Variants in PRKG1 observed in about 807,000 individuals in gnomAD.
The protein encoded by PRKG1 is cGMP-dependent protein kinase 1.
PRKG1 carries 35 observed loss-of-function variants against 88.1 expected under a neutral mutation model. The observed-to-expected ratio is 0.40, with a 90% confidence interval of 0.30 to 0.53. The LOEUF is 0.53. Among genes scored for constraint, PRKG1 ranks in the 20% least tolerant of loss-of-function variants. The pLI is 0.59. For synonymous variants in PRKG1, 303 were observed against 292.5 expected, an observed-to-expected ratio of 1.04 and a Z score of -0.37; for missense variants, 540 against 839.8, an observed-to-expected ratio of 0.64 and a Z score of 4.41.
chr10:51,435,795 T>C (rs1838911060), intron 2 of PRKG1, among the ~76,000 whole-genome samples: 1 of 152,010 alleles, frequency 6.6e-6, no homozygotes, highest in Non-Finnish European at 1.5e-5. Context: ...GTGTGATATG[T>C]GCTATGGTAG....
intron 2 of PRKG1, among the ~76,000 whole-genome samples, chr10:51,194,124 T>C (rs1837700441): frequency 6.6e-6 from 1 of 152,176 alleles, no homozygotes; most frequent in Admixed American, 6.6e-5. Flanking sequence ...ACCCCTTTGG[T>C]AATATGTGAG....
At chr10:51,950,740 A>G (rs1022910699) in intron 5 of PRKG1, among the ~76,000 whole-genome samples, 2 of 152,252 alleles carry the variant, frequency 1.3e-5, no homozygotes, top group Non-Finnish European at 2.9e-5. Context: ...GCCCCATGGC[A>G]TGGAGCAGCT....
chr10:51,251,544 A>G (rs1035374915), intron 2 of PRKG1, among the ~76,000 whole-genome samples: 5 of 151,824 alleles, frequency 3.3e-5, no homozygotes, highest in Admixed American at 6.6e-5. Flanking sequence ...TCATATTAGA[A>G]GTGATCAAAT....
chr10:51,914,109 T>C (rs1842285409), intron 5 of PRKG1, among the ~76,000 whole-genome samples: 2 of 152,110 alleles, frequency 1.3e-5, no homozygotes, highest in African/African-American at 2.4e-5. Flanking sequence ...TCTCTATACA[T>C]GAATTACATT....
chr10:51,873,668 C>T (rs1469246567), intron 4 of PRKG1, among the ~76,000 whole-genome samples: 1 of 151,702 alleles, frequency 6.6e-6, no homozygotes, highest in Non-Finnish European at 1.5e-5. Context: ...GTTGGGATTA[C>T]AGGTACGTGC....
intron 3 of PRKG1, among the ~76,000 whole-genome samples, chr10:51,784,718 A>G (rs892138572): frequency 1.3e-5 from 2 of 152,146 alleles, no homozygotes; most frequent in African/African-American, 2.4e-5. Context: ...TGATTACAGT[A>G]TTGAACTTCC....
intron 1 of PRKG1, among the ~76,000 whole-genome samples, chr10:51,075,898 A>G (rs1843939183): frequency 6.6e-6 from 1 of 152,232 alleles, no homozygotes; most frequent in Non-Finnish European, 1.5e-5. Context: ...AGAGCACCCA[A>G]AAGAACGGCA....
intron 3 of PRKG1, among the ~76,000 whole-genome samples, chr10:51,774,137 T>G (rs925805251): frequency 6.6e-6 from 1 of 152,054 alleles, no homozygotes; most frequent in Non-Finnish European, 1.5e-5. Flanking sequence ...GTAAGAAAAT[T>G]AAGCACCCAT....
rs889917889 is a variant in PRKG1 at position 52,163,773 on chromosome 10, A to C, written c.1076+1810A>C. ...TTCACTTGCACATACTTCAATTAAA[A>C]GTAGTAAGTAAGAAAAACTGAAACA... On this transcript the variant is annotated intron_variant, in intron 9 of 17. Coordinates refer to ENST00000373980, the MANE Select transcript of PRKG1 (RefSeq NM_006258.4). Among the ~76,000 whole-genome samples, 6 of 152,344 alleles carry C rather than the reference A, an allele frequency of 3.9e-5. No homozygotes were observed. In the East Asian group the frequency reaches 1.2e-3, roughly 29 times the overall value.
intron 3 of PRKG1, among the ~76,000 whole-genome samples, chr10:51,493,479 C>G (rs1194753230): frequency 6.6e-6 from 1 of 151,958 alleles, no homozygotes; most frequent in African/African-American, 2.4e-5. Flanking sequence ...ATTTCTATTG[C>G]CAGAAAATAT....
At chr10:52,107,304 G>T (rs74135152) in intron 7 of PRKG1, among the ~76,000 whole-genome samples, 1,649 of 152,236 alleles carry the variant, frequency 0.011, 32 homozygotes, top group African/African-American at 0.037. Context: ...TTTAGACAAA[G>T]ACCTAAAACA....
rs1000222525 is a variant in PRKG1, at chr10:52,294,058, C to G, written c.*158C>G. On this transcript the variant is annotated 3_prime_UTR_variant, in exon 18 of 18. Coordinates refer to ENST00000373980, the MANE Select transcript of PRKG1 (RefSeq NM_006258.4). ...TAACTACAGTGGCATTAGGACTTACCGCTTAGATGACAATAGTGCTCTTTA... is the reference window on the plus strand; with the variant it reads ...TAACTACAGTGGCATTAGGACTTACGGCTTAGATGACAATAGTGCTCTTTA... 1.8e-6 allele frequency: 1 copy of G among 559,706 alleles called. No homozygotes were observed. The highest frequency in any genetic ancestry group is 3.2e-5 in the Admixed American group (1 of 30,850). The allele number at this position is 559,706 out of a possible 1,614,324, so 34.7% of individuals were successfully genotyped here. A position where few individuals can be genotyped will look rare whatever the true frequency, so the allele number is the denominator to read the frequency against.
intron 2 of PRKG1, among the ~76,000 whole-genome samples, chr10:51,268,913 C>T (rs1839905448): frequency 6.6e-6 from 1 of 152,166 alleles, no homozygotes; most frequent in Non-Finnish European, 1.5e-5. Flanking sequence ...TAATAAATGT[C>T]CTTGAAATCT....
intron 9 of PRKG1, among the ~76,000 whole-genome samples, chr10:52,185,550 A>G (rs1050795480): frequency 6.6e-6 from 1 of 152,092 alleles, no homozygotes; most frequent in Non-Finnish European, 1.5e-5. Flanking sequence ...TCCCCTTCCT[A>G]TAGCTCCAAT....
intron 2 of PRKG1, among the ~76,000 whole-genome samples, chr10:51,444,827 C>G (rs184884206): frequency 4.6e-5 from 7 of 151,850 alleles, no homozygotes; most frequent in African/African-American, 1.7e-4. Context: ...TTTTTCCACC[C>G]CAAAGAACTT....
chr10:51,516,898 A>C (rs372206376), intron 3 of PRKG1, among the ~76,000 whole-genome samples: 3 of 152,214 alleles, frequency 2.0e-5, no homozygotes, highest in East Asian at 3.8e-4. Flanking sequence ...ATATACAAAA[A>C]TAAGTTATGA....
intron 4 of PRKG1, among the ~76,000 whole-genome samples, chr10:51,844,780 C>A (rs1451631228): frequency 6.6e-6 from 1 of 152,124 alleles, no homozygotes; most frequent in African/African-American, 2.4e-5. Flanking sequence ...CAAGACTACA[C>A]TGGGAGACAG....
At chr10:51,115,169 CT>C (rs1446878989) in intron 1 of PRKG1, among the ~76,000 whole-genome samples, 1 of 150,578 alleles carries the variant, frequency 6.6e-6, no homozygotes, top group Admixed American at 6.6e-5. Context: ...CAAAAATTAG[CT>C]GGGCATGGTG....
At chr10:51,117,492 T>C (rs1281992592) in intron 1 of PRKG1, among the ~76,000 whole-genome samples, 2 of 152,238 alleles carry the variant, frequency 1.3e-5, no homozygotes, top group Non-Finnish European at 2.9e-5. Context: ...GAGCCAAGCA[T>C]GTTGCTACGC....
Sources: allele counts gnomAD v4.1 joint callset (sites outside exome capture counted in the v4.1 genomes callset), GRCh38; gene constraint gnomAD v4.1.1; transcripts MANE v1.5; gene names NCBI Gene and HGNC (gene_info 2026-07-23, HGNC 2026-07-21).